CLIP1: variants seen among roughly 807,000 people sequenced by gnomAD.
CLIP1 encodes CAP-Gly domain-containing linker protein 1.
CLIP1 carries 66 observed loss-of-function variants against 161.6 expected under a neutral mutation model. The observed-to-expected ratio is 0.41, with a 90% CI of 0.33 to 0.50. The LOEUF (loss-of-function observed/expected upper bound fraction) is 0.50, where lower values mean the gene tolerates loss of function less well. CLIP1 is among the 20% of genes least tolerant of loss of function. The pLI, the probability that CLIP1 is intolerant of heterozygous loss-of-function variation, is 0.27. For missense variants in CLIP1, 1,376 were observed against 1,702.0 expected (o/e 0.81, Z 3.37); for synonymous variants, 598 against 626.2 (o/e 0.96, Z 0.67).
chr12:122,294,886 C>T (rs1054410919), intron 20 of CLIP1, among the ~76,000 whole-genome samples: 4 of 151,848 alleles, frequency 2.6e-5, no homozygotes, highest in Non-Finnish European at 4.4e-5. Flanking sequence ...AACTCCGTCT[C>T]TACTAAAAAT....
intron 20 of CLIP1, among the ~76,000 whole-genome samples, chr12:122,305,523 C>T (rs754767947): frequency 5.3e-5 from 8 of 152,222 alleles, no homozygotes; most frequent in Non-Finnish European, 1.2e-4. Context: ...ACCAGCCACA[C>T]AAAGAGCAAA....
intron 1 of CLIP1, among the ~76,000 whole-genome samples, chr12:122,402,449 G>GGCAC (rs1354144485): frequency 6.6e-6 from 1 of 152,088 alleles, no homozygotes; most frequent in Admixed American, 6.6e-5. Context: ...CTCTGGTCAT[G>GGCAC]GCACTGCACT....
chr12:122,318,912 G>C (rs1227631084), intron 18 of CLIP1, among the ~76,000 whole-genome samples: 1 of 152,196 alleles, frequency 6.6e-6, no homozygotes, highest in Non-Finnish European at 1.5e-5. Context: ...TTGGGAAAGA[G>C]AAGAGAAAAA....
At chr12:122,392,185 G>A (rs1227122886) in intron 1 of CLIP1, among the ~76,000 whole-genome samples, 1 of 152,040 alleles carries the variant, frequency 6.6e-6, no homozygotes, top group Non-Finnish European at 1.5e-5. Context: ...GCAGGAGAAC[G>A]GCTTGAGCCC....
chr12:122,406,953 G>C (rs968668930), intron 1 of CLIP1, among the ~76,000 whole-genome samples: 1 of 151,616 alleles, frequency 6.6e-6, no homozygotes, highest in Non-Finnish European at 1.5e-5. Flanking sequence ...AATGTTTTAA[G>C]GGAACATGGA....
intron 1 of CLIP1, among the ~76,000 whole-genome samples, chr12:122,421,507 A>G (rs114047954): frequency 1.9e-3 from 292 of 152,270 alleles, no homozygotes; most frequent in African/African-American, 6.6e-3. Flanking sequence ...CACTGTCCTA[A>G]AAGAGGAAGA....
intron 20 of CLIP1, among the ~76,000 whole-genome samples, chr12:122,291,418 G>A (rs919024822): frequency 7.9e-5 from 12 of 152,142 alleles, no homozygotes; most frequent in African/African-American, 2.7e-4. Flanking sequence ...TCGAACTCCT[G>A]ACCTCAGGTG....
chr12:122,409,855 TTCAG>T (rs1179127056), intron 1 of CLIP1, among the ~76,000 whole-genome samples: 3 of 150,156 alleles, frequency 2.0e-5, no homozygotes, highest in Non-Finnish European at 3.0e-5. Context: ...AAAATCTAAC[TTCAG>T]TGTTTGTTAT....
Position 122,333,079 on chromosome 12 carries a change from T to G in CLIP1, c.2775A>C (p.Lys925Asn), listed in dbSNP as rs367897279. 4 of 1,613,680 alleles carry G rather than the reference T, an allele frequency of 2.5e-6. No homozygotes were observed. In the African/African-American group the frequency reaches 5.3e-5, roughly 22 times the overall value. The stretch of plus-strand genomic sequence containing the variant: ...TTATTTCTGCAATGTCATTTTCCAG[T>G]TTTTCCTTTGCCTTTATCAGCTGCT... ...REEQLIKAKEKLENDIAEIMK... is the reference protein window; with the variant it reads ...REEQLIKAKENLENDIAEIMK... The change falls in exon 15 of 26, where the codon AAA becomes AAC. Residue 925 changes from lysine to asparagine, a missense_variant. Lys to Asn is a moderately conservative substitution (Grantham distance 94). Coordinates refer to ENST00000620786, the MANE Select transcript of CLIP1 (RefSeq NM_001247997.2).
chr12:122,420,940 T>C (rs1310408029), intron 1 of CLIP1, among the ~76,000 whole-genome samples: 1 of 151,380 alleles, frequency 6.6e-6, no homozygotes, highest in Non-Finnish European at 1.5e-5. Flanking sequence ...CTCTCATTGA[T>C]TGATTGATTG....
At chr12:122,306,318 C>T (rs765375374) in intron 20 of CLIP1, among the ~76,000 whole-genome samples, 1 of 151,970 alleles carries the variant, frequency 6.6e-6, no homozygotes, top group African/African-American at 2.4e-5. Flanking sequence ...TAGAGAACCC[C>T]GACTAATTCA....
At chr12:122,361,484 T>C (rs951901579) in intron 4 of CLIP1, among the ~76,000 whole-genome samples, 3 of 152,230 alleles carry the variant, frequency 2.0e-5, no homozygotes, top group Non-Finnish European at 4.4e-5. Context: ...CAGAGGAGTT[T>C]AGCAATAGAA....
chr12:122,279,296 C>T lies in CLIP1; in HGVS notation c.3648-151G>A. 1.3e-5 allele frequency: 6 copies of T among 474,404 alleles called. No individual in the cohort carries two copies. Among genetic ancestry groups the T allele is most frequent in the Non-Finnish European group, 2.2e-5 (6 of 278,498 alleles). 29.4% of individuals were successfully genotyped at this position (474,404 alleles called of 1,614,324 possible). ...TATAGGGAGTTAAGGCCATTATGCT[C>T]ACAAAATTTTACTTGAAATTTTACT... On this transcript the variant is annotated intron_variant, in intron 21 of 25. Transcript: ENST00000620786. The surrounding 1 kb of genome is among the most constrained non-coding windows in gnomAD (Gnocchi z 4.5).
At chr12:122,366,996 C>T (rs1954205487) in intron 3 of CLIP1, among the ~76,000 whole-genome samples, 1 of 152,178 alleles carries the variant, frequency 6.6e-6, no homozygotes. Context: ...TCCCACACCA[C>T]ACCATTCAGA....
chr12:122,345,349 C>G (rs919778083), intron 10 of CLIP1, among the ~76,000 whole-genome samples: 2 of 151,530 alleles, frequency 1.3e-5, no homozygotes, highest in African/African-American at 4.8e-5. Context: ...TTTGTAGAAG[C>G]AGGGTATCAC....
intron 1 of CLIP1, among the ~76,000 whole-genome samples, chr12:122,408,968 T>C (rs1158099209): frequency 1.3e-5 from 2 of 152,032 alleles, no homozygotes; most frequent in Non-Finnish European, 2.9e-5. Flanking sequence ...TGCACAACCA[T>C]GCCCGGCTAA....
At chr12:122,288,650 T>C (rs1175579570) in intron 20 of CLIP1, 109 bp from the exon 21 acceptor site, 8 of 833,478 alleles carry the variant, frequency 9.6e-6, no homozygotes, top group Non-Finnish European at 1.3e-5. Context: ...AGCCATTGGC[T>C]TTCCTCAACA....
At chr12:122,353,017 C>A (rs7294559) in intron 7 of CLIP1, among the ~76,000 whole-genome samples, 119,052 of 151,252 alleles carry the variant, frequency 0.79, 47,202 homozygotes, top group African/African-American at 0.86. Context: ...AAAAATCTAT[C>A]ATCACTACCC....
rs1488300520 is a variant in CLIP1 at position 122,408,637 on chromosome 12, C to T, written c.-107+13884G>A. ...TGCTGGGATTACAGGTGTGAGCTAC[C>T]GCGCCCAGCCTATTCTGTTTTTAAG... is the stretch of plus-strand genomic sequence containing the variant. On this transcript the variant is annotated intron_variant, in intron 1 of 25. Coordinates refer to ENST00000620786, the MANE Select transcript of CLIP1 (RefSeq NM_001247997.2). Among the ~76,000 whole-genome samples, 23 of 151,862 alleles carry T rather than the reference C, an allele frequency of 1.5e-4. 1 individual carries two copies. Among genetic ancestry groups the T allele is most frequent in the Admixed American group, 1.3e-3 (19 of 15,198 alleles).
Sources: allele counts gnomAD v4.1 joint callset (sites outside exome capture counted in the v4.1 genomes callset), GRCh38; gene constraint gnomAD v4.1.1; non-coding constraint Gnocchi (gnomAD v3.1); transcripts MANE v1.5; gene names NCBI Gene and HGNC (gene_info 2026-07-23, HGNC 2026-07-21).